The following ADGRL2 variants were observed in gnomAD, a reference collection of about 807,000 sequenced individuals.
ADGRL2 encodes the protein calcium-independent alpha-latrotoxin receptor 2.
In ADGRL2, 44 loss-of-function variants were observed where a neutral mutation model predicts 157.4. The observed-to-expected ratio is 0.28, with a 90% CI of 0.22 to 0.36. ADGRL2 has a LOEUF of 0.36. Among genes scored for constraint, ADGRL2 ranks in the 10% least tolerant of loss-of-function variants. The pLI, the probability that ADGRL2 is intolerant of heterozygous loss-of-function variation, is 1.00. For missense variants in ADGRL2, 1,510 were observed against 1,768.9 expected (o/e 0.85, Z 2.63); for synonymous variants, 585 against 624.7 (o/e 0.94, Z 0.95).
intron 2 of ADGRL2, among the ~76,000 whole-genome samples, chr1:81,845,132 T>G (rs952685117): frequency 2.0e-5 from 3 of 152,074 alleles, no homozygotes; most frequent in African/African-American, 7.2e-5. Context: ...ATATTCATAT[T>G]TTCACTTTTA....
rs915120935 is a variant in ADGRL2, at chr1:81,889,144, C to G, written c.74-17873C>G. Among the ~76,000 whole-genome samples the G allele has an allele frequency of 9.9e-5, 15 of 152,082 alleles. 1 individual carries two copies. Among genetic ancestry groups the G allele is most frequent in the Admixed American group, 5.9e-4 (9 of 15,276 alleles). On this transcript the variant is annotated intron_variant, in intron 2 of 23. Transcript: ENST00000686636. The stretch of plus-strand genomic sequence containing the variant: ...AATCCTACAACGGCCTATATATGTT[C>G]AAGTGAAATGAAAAGTTGCACATTT...
chr1:81,845,112 A>G (rs1215523253), intron 2 of ADGRL2, among the ~76,000 whole-genome samples: 1 of 152,064 alleles, frequency 6.6e-6, no homozygotes, highest in Non-Finnish European at 1.5e-5. Flanking sequence ...ATTCATCTAC[A>G]TATACTCTTA....
chr1:81,632,279 A>G (rs1381210275), intron 3 of ADGRL2, among the ~76,000 whole-genome samples: 1 of 152,206 alleles, frequency 6.6e-6, no homozygotes, highest in Non-Finnish European at 1.5e-5. Context: ...TAAAAGGATA[A>G]AGAGCGACAG....
At chr1:81,659,233 T>C (rs958001639) in intron 3 of ADGRL2, among the ~76,000 whole-genome samples, 9 of 151,926 alleles carry the variant, frequency 5.9e-5, no homozygotes, top group Non-Finnish European at 1.2e-4. Context: ...GGCTGATTTT[T>C]TGTATTTTTA....
At chr1:81,774,114 C>A (rs991501082) in intron 2 of ADGRL2, among the ~76,000 whole-genome samples, 1 of 152,088 alleles carries the variant, frequency 6.6e-6, no homozygotes, top group Non-Finnish European at 1.5e-5. Flanking sequence ...TTTAAGTCGC[C>A]CTGTCTGTGG....
chr1:81,971,965 A>T (rs922004697), intron 17 of ADGRL2, 47 bp downstream of exon 17: 1 of 1,219,994 alleles, frequency 8.2e-7, no homozygotes, highest in Admixed American at 1.9e-5. Context: ...CTGCTTTAGC[A>T]GTGCTATTCA....
chr1:81,782,050 T>G (rs557681002), intron 2 of ADGRL2, among the ~76,000 whole-genome samples: 25 of 152,318 alleles, frequency 1.6e-4, no homozygotes, highest in Non-Finnish European at 3.2e-4. Context: ...CAGGTTTGTT[T>G]TGAAGATTAA....
rs77457337 is a variant in ADGRL2, at chr1:81,986,882, T to G, written c.3509-19T>G. ...TGTACTTTTCTCTGTTTTTTTGTTG[T>G]TTTTTTTTTTTACTTTAGGAATGAC... On this transcript the variant is annotated intron_variant, in intron 21 of 23. Coordinates refer to ENST00000686636, the MANE Select transcript of ADGRL2 (RefSeq NM_001366006.2). 5 of 555,070 alleles carry G rather than the reference T, an allele frequency of 9.0e-6. No individual in the cohort carries two copies. Among genetic ancestry groups the G allele is most frequent in the South Asian group, 3.9e-5 (1 of 25,594 alleles). The allele number at this position is 555,070 out of a possible 1,614,324, so 34.4% of individuals were successfully genotyped here.
intron 2 of ADGRL2, among the ~76,000 whole-genome samples, chr1:81,888,531 T>C (rs911225626): frequency 2.0e-5 from 3 of 152,100 alleles, no homozygotes; most frequent in Admixed American, 6.5e-5. Context: ...CTCTGCCTCC[T>C]GGGTTCACGC....
At chr1:81,741,904 A>G (rs2085084951) in intron 1 of ADGRL2, among the ~76,000 whole-genome samples, 1 of 151,958 alleles carries the variant, frequency 6.6e-6, no homozygotes, top group Non-Finnish European at 1.5e-5. Context: ...AAGGATTTTG[A>G]TACAAATTTA....
chr1:81,946,089 C>A (rs1649723017), intron 6 of ADGRL2, among the ~76,000 whole-genome samples: 1 of 152,066 alleles, frequency 6.6e-6, no homozygotes, highest in South Asian at 2.1e-4. Flanking sequence ...GGTCTTTTGC[C>A]TGTCATAAAG....
intron 1 of ADGRL2, among the ~76,000 whole-genome samples, chr1:81,331,645 C>T (rs577260816): frequency 7.9e-5 from 12 of 152,124 alleles, no homozygotes; most frequent in African/African-American, 2.9e-4. Flanking sequence ...ATGTGCATTG[C>T]CTTTAAGGAT....
At chr1:81,379,441 T>C (rs2101038886) in intron 1 of ADGRL2, among the ~76,000 whole-genome samples, 1 of 152,306 alleles carries the variant, frequency 6.6e-6, no homozygotes, top group East Asian at 1.9e-4. Flanking sequence ...GAGAGAGATT[T>C]CTGTATCCCG....
intron 3 of ADGRL2, among the ~76,000 whole-genome samples, chr1:81,687,686 G>A (rs545422088): frequency 1.6e-4 from 24 of 152,174 alleles, no homozygotes; most frequent in Non-Finnish European, 3.4e-4. Flanking sequence ...TGTGCTCTTT[G>A]TTGCCTGTGT....
chr1:81,552,881 T>A (rs1237430978), intron 2 of ADGRL2, among the ~76,000 whole-genome samples: 1 of 152,222 alleles, frequency 6.6e-6, no homozygotes, highest in Non-Finnish European at 1.5e-5. Flanking sequence ...AATCAAAGTT[T>A]AAATTACTAT....
intron 1 of ADGRL2, among the ~76,000 whole-genome samples, chr1:81,359,345 T>C (rs1285076278): frequency 6.6e-6 from 1 of 152,106 alleles, no homozygotes; most frequent in African/African-American, 2.4e-5. Context: ...GACAGACTGC[T>C]GTCCATGTAA....
intron 3 of ADGRL2, among the ~76,000 whole-genome samples, chr1:81,683,301 A>T (rs2083157842): frequency 6.6e-6 from 1 of 151,900 alleles, no homozygotes; most frequent in Admixed American, 6.6e-5. Flanking sequence ...TTCAAATACT[A>T]TTTTTTTTCC....
chr1:81,481,617 G>C (rs2078389892), intron 2 of ADGRL2, among the ~76,000 whole-genome samples: 1 of 152,158 alleles, frequency 6.6e-6, no homozygotes, highest in Non-Finnish European at 1.5e-5. Context: ...CATTTAACTA[G>C]TCTAAGTTAA....
intron 3 of ADGRL2, among the ~76,000 whole-genome samples, chr1:81,927,976 T>C (rs2095146819): frequency 6.6e-6 from 1 of 152,084 alleles, no homozygotes; most frequent in African/African-American, 2.4e-5. Flanking sequence ...TCCATTTTTC[T>C]CTTGCATTTG....
Sources: gnomAD v4.1 joint callset for allele counts (sites outside exome capture counted in the v4.1 genomes callset) on GRCh38, gnomAD v4.1.1 for gene constraint, MANE v1.5 for transcripts, NCBI Gene and HGNC (gene_info 2026-07-23, HGNC 2026-07-21) for gene names.